Variants in PPP1R3F observed in about 807,000 individuals in gnomAD.
PPP1R3F encodes the protein protein phosphatase 1 regulatory subunit 3F.
A neutral mutation model predicts 24.2 loss-of-function variants in PPP1R3F; 29 were observed. The observed-to-expected ratio is 1.20, with a 90% confidence interval of 0.89 to 1.63. The LOEUF (loss-of-function observed/expected upper bound fraction) is 1.63, where lower values mean the gene tolerates loss of function less well. Ranked by LOEUF, PPP1R3F falls within the 40% of genes most tolerant of loss-of-function variation. The pLI, the probability that PPP1R3F is intolerant of heterozygous loss-of-function variation, is 0.00. For missense variants in PPP1R3F, 823 were observed against 729.3 expected, an observed-to-expected ratio of 1.13 and a Z score of -1.48; for synonymous variants, 363 against 340.1, an observed-to-expected ratio of 1.07 and a Z score of -0.74.
chrX:49,297,853 T>TG (rs2066327717), intron 3 of PPP1R3F, among the ~76,000 whole-genome samples: 1 of 74,346 alleles, frequency 1.3e-5, no homozygotes, highest in African/African-American at 4.5e-5. Context: ...TTTTTTTTTT[T>TG]GCTTTCCATT....
At chrX:49,284,484 CTTTCTTTCTTTTTTCTT>C (rs1360948446) in intron 3 of PPP1R3F, among the ~76,000 whole-genome samples, 4 of 82,303 alleles carry the variant, frequency 4.9e-5, no homozygotes, top group South Asian at 1.2e-3. Flanking sequence ...CTCTCTCTCT[CTTTCTTTCTTTTTTCTT>C]TTTCTTTCTT....
At chrX:49,276,753 C>T (rs1388353567) in intron 1 of PPP1R3F, among the ~76,000 whole-genome samples, 10 of 111,981 alleles carry the variant, frequency 8.9e-5, no homozygotes, top group South Asian at 3.7e-4. Flanking sequence ...ACTGGATCAC[C>T]CGCAAGTCCC....
rs2066159759 is a variant in PPP1R3F, at chrX:49,269,902, G to A, written c.33G>A (p.Leu11=). 1.2e-5 allele frequency: 11 copies of A among 905,988 alleles called. No homozygotes were observed. The East Asian group carries it at 5.4e-4, about 44-fold the overall frequency. The allele number at this position is 905,988 out of a possible 1,213,427, so 74.7% of individuals were successfully genotyped here. ...GTACGGCCCCTGTGGAGCCCCCGCT[G>A]CGGCATTCCGCGCCCCCCTCGCCGG... MARTAPVEPP[L]RHSAPPSPAA... The change falls in exon 1 of 4, where the codon CTG becomes CTA. Residue 11 remains leucine (L), a synonymous_variant. Coordinates refer to ENST00000055335, the MANE Select transcript of PPP1R3F (RefSeq NM_033215.5).
intron 1 of PPP1R3F, among the ~76,000 whole-genome samples, chrX:49,277,666 T>C (rs2066222602): frequency 8.9e-6 from 1 of 112,476 alleles, no homozygotes; most frequent in African/African-American, 3.2e-5. Context: ...TAGCTGCCCT[T>C]GAGTTTTTAC....
Position 49,287,079 on chromosome X carries a change from T to C in PPP1R3F, c.2389T>C (p.Trp797Arg). Residue 797 changes from tryptophan to arginine, a missense_variant, in exon 4 of 4, where the codon TGG becomes CGG. By Grantham distance (101) the Trp-to-Arg change is moderately radical. Coordinates refer to ENST00000055335, the MANE Select transcript of PPP1R3F (RefSeq NM_033215.5). Reference sequence around the variant, plus strand: ...GCTTGCGCTGTGCCTCTCTCTGGCTTGGTTCTCATAGGCTCTGCTTGTGGG... The same window carrying C: ...GCTTGCGCTGTGCCTCTCTCTGGCTCGGTTCTCATAGGCTCTGCTTGTGGG... Reference protein sequence around the residue: ...LVLALCLSLAWFS With the variant: ...LVLALCLSLARFS 8.3e-7 allele frequency: 1 copy of C among 1,210,631 alleles called. No homozygotes were observed. The highest frequency in any genetic ancestry group is 1.1e-6 in the Non-Finnish European group (1 of 895,450).
Position 49,270,759 on chromosome X carries a change from A to C in PPP1R3F, c.890A>C (p.Glu297Ala). The C allele has an allele frequency of 2.5e-6, 3 of 1,201,401 alleles. No individual in the cohort carries two copies. Among genetic ancestry groups the C allele is most frequent in the Non-Finnish European group, 3.4e-6 (3 of 890,548 alleles). ...IAPAPTPTDAEGLPQQQQLPQ... is the reference protein window; with the variant it reads ...IAPAPTPTDAAGLPQQQQLPQ... The stretch of plus-strand genomic sequence containing the variant: ...CCCGCTCCCACACCCACTGATGCCG[A>C]AGGGCTGCCCCAGCAGCAGCAGCTG... The change falls in exon 1 of 4, where the codon GAA becomes GCA. Residue 297 changes from glutamate (E) to alanine (A), a missense_variant. By Grantham distance (107) the Glu-to-Ala change is moderately radical. Transcript: ENST00000055335.
intron 3 of PPP1R3F, among the ~76,000 whole-genome samples, chrX:49,283,779 T>TATA (rs1453593814): frequency 1.8e-5 from 2 of 111,204 alleles, no homozygotes; most frequent in African/African-American, 6.5e-5. Context: ...TTATTAATTA[T>TATA]ATTAATTAAT....
At chrX:49,292,204 A>C (rs2066311061), downstream of PPP1R3F, among the ~76,000 whole-genome samples, 1 of 111,387 alleles carries the variant, frequency 9.0e-6, no homozygotes, top group African/African-American at 3.3e-5. Flanking sequence ...CCCTCTCTGC[A>C]TGTGGACAGG....
intron 3 of PPP1R3F, among the ~76,000 whole-genome samples, chrX:49,284,889 C>T (rs368829887): frequency 2.7e-5 from 3 of 111,012 alleles, no homozygotes; most frequent in Non-Finnish European, 3.8e-5. Flanking sequence ...TTTGGGGGCT[C>T]GGCATGCTTG....
At chrX:49,281,703 C>T (rs2066250027) in intron 2 of PPP1R3F, among the ~76,000 whole-genome samples, 2 of 109,115 alleles carry the variant, frequency 1.8e-5, no homozygotes, top group Admixed American at 2.0e-4. Flanking sequence ...TGGCATGCAT[C>T]CGTAGTCCCT....
At chrX:49,298,173 A>C (rs2066328882) in intron 3 of PPP1R3F, among the ~76,000 whole-genome samples, 1 of 112,012 alleles carries the variant, frequency 8.9e-6, no homozygotes, top group African/African-American at 3.3e-5. Flanking sequence ...TTGCATATTT[A>C]GTGCTTCCTT....
At chrX:49,289,523 CA>C (rs782440829), downstream of PPP1R3F, among the ~76,000 whole-genome samples, 1 of 110,061 alleles carries the variant, frequency 9.1e-6, no homozygotes, top group African/African-American at 3.3e-5. Context: ...CACAAAAAGC[CA>C]AAAAAAAGCT....
intron 3 of PPP1R3F, among the ~76,000 whole-genome samples, chrX:49,282,524 T>C (rs1366714257): frequency 1.1e-5 from 1 of 89,825 alleles, no homozygotes; most frequent in African/African-American, 4.4e-5. Flanking sequence ...CAACTTTAGA[T>C]TGGGTGGCCT....
intron 1 of PPP1R3F, chrX:49,280,804 C>T (rs1557120614): frequency 8.9e-6 from 1 of 112,056 alleles, no homozygotes; most frequent in African/African-American, 3.2e-5. Flanking sequence ...GCCTCGGCCT[C>T]CCAAAGTGCT....
At chrX:49,290,933 C>A (rs1167178305), downstream of PPP1R3F, among the ~76,000 whole-genome samples, 1 of 111,633 alleles carries the variant, frequency 9.0e-6, no homozygotes, top group East Asian at 2.8e-4. Context: ...ATGCCCCCAC[C>A]CTGCCCTCTC....
At chrX:49,276,493 G>A (rs2066213826) in intron 1 of PPP1R3F, among the ~76,000 whole-genome samples, 1 of 112,180 alleles carries the variant, frequency 8.9e-6, no homozygotes, top group African/African-American at 3.2e-5. Context: ...CAATTTACTG[G>A]GTTTCAACAA....
At position 49,270,805 on chromosome X, in the gene PPP1R3F, C is replaced by T; in HGVS notation, c.936C>T (p.Pro312=). The T allele has an allele frequency of 5.0e-6, 6 of 1,191,629 alleles. No individual in the cohort carries two copies. Among genetic ancestry groups the T allele is most frequent in the Non-Finnish European group, 6.8e-6 (6 of 885,305 alleles). The change falls in exon 1 of 4, where the codon CCC becomes CCT. Residue 312 remains proline, a synonymous_variant. Coordinates refer to ENST00000055335, the MANE Select transcript of PPP1R3F (RefSeq NM_033215.5). Reference sequence around the variant, plus strand: ...AGCTGCCGCAGCTGGAGCCACAGCCCGAGTGCCAGGGTCCCGTGGAGGCTG... The same window carrying T: ...AGCTGCCGCAGCTGGAGCCACAGCCTGAGTGCCAGGGTCCCGTGGAGGCTG... The part of the protein sequence containing the change: ...QQQLPQLEPQ[P]ECQGPVEAEA...
intron 1 of PPP1R3F, chrX:49,273,220 G>A (rs1274237073): frequency 5.4e-5 from 6 of 110,856 alleles, no homozygotes; most frequent in African/African-American, 1.3e-4. Context: ...CATCCCCGCC[G>A]GCTGTCATGG....
At chrX:49,284,147 C>A (rs1482786915) in intron 3 of PPP1R3F, among the ~76,000 whole-genome samples, 1 of 111,473 alleles carries the variant, frequency 9.0e-6, no homozygotes, top group Non-Finnish European at 1.9e-5. Flanking sequence ...TATTTGTTTG[C>A]TTTTTTTGAT....
Sources: gnomAD v4.1 joint callset for allele counts (sites outside exome capture counted in the v4.1 genomes callset) on GRCh38, gnomAD v4.1.1 for gene constraint, MANE v1.5 for transcripts, NCBI Gene and HGNC (gene_info 2026-07-23, HGNC 2026-07-21) for gene names.